The following HMG20A variants were observed in gnomAD, a reference collection of about 807,000 sequenced individuals.
HMG20A encodes high mobility group 20A.
In HMG20A, 17 loss-of-function variants were observed where a neutral mutation model predicts 43.9. The observed-to-expected ratio is 0.39, with a 90% CI of 0.27 to 0.58. The LOEUF is 0.58. HMG20A is among the 20% of genes least tolerant of loss of function. HMG20A has a pLI of 0.59. For synonymous variants in HMG20A, 132 were observed against 147.5 expected, an observed-to-expected ratio of 0.89 and a Z score of 0.76; for missense variants, 341 against 438.2, an observed-to-expected ratio of 0.78 and a Z score of 1.98.
At chr15:77,503,190 A>G in the HMG20A span, among the ~76,000 whole-genome samples, 1 of 152,180 alleles carries the variant, frequency 6.6e-6, no homozygotes. Flanking sequence ...TTGCAAGAAC[A>G]ACTTTACACA....
chr15:77,503,200 A>T, the HMG20A span, among the ~76,000 whole-genome samples: 1 of 152,262 alleles, frequency 6.6e-6, no homozygotes, highest in South Asian at 2.1e-4. Flanking sequence ...AACTTTACAC[A>T]ACTGCTAGAG....
At chr15:77,475,726 G>A (rs1045392632) in intron 6 of HMG20A, among the ~76,000 whole-genome samples, 2 of 152,144 alleles carry the variant, frequency 1.3e-5, no homozygotes, top group African/African-American at 4.8e-5. Flanking sequence ...TTGTTTTCCT[G>A]CAGCAGCCCA....
chr15:77,461,339 A>G (rs994838384), intron 2 of HMG20A, among the ~76,000 whole-genome samples: 8 of 152,176 alleles, frequency 5.3e-5, no homozygotes, highest in Non-Finnish European at 1.0e-4. Flanking sequence ...AAAAATTGGG[A>G]CCTTAACTGG....
At chr15:77,478,202 G>C (rs531400366) in intron 7 of HMG20A, 93 bp from the exon 8 acceptor site, 1 of 1,236,268 alleles carries the variant, frequency 8.1e-7, no homozygotes, top group Non-Finnish European at 1.2e-6. Context: ...CTAAATTAGA[G>C]GCAGCTAAGC....
At chr15:77,436,007 C>G (rs1207956915) in intron 1 of HMG20A, among the ~76,000 whole-genome samples, 1 of 152,166 alleles carries the variant, frequency 6.6e-6, no homozygotes, top group Non-Finnish European at 1.5e-5. Flanking sequence ...CTTTAAAATA[C>G]TATCTACTAT....
intron 1 of HMG20A, among the ~76,000 whole-genome samples, chr15:77,433,631 T>C (rs1047841389): frequency 2.0e-5 from 3 of 152,154 alleles, no homozygotes; most frequent in Non-Finnish European, 2.9e-5. Context: ...ATAAGCAAAC[T>C]TACACGAGCA....
At chr15:77,437,110 C>T (rs1028633726) in intron 1 of HMG20A, among the ~76,000 whole-genome samples, 5 of 152,140 alleles carry the variant, frequency 3.3e-5, no homozygotes, top group African/African-American at 9.7e-5. Flanking sequence ...TTATGTGTTC[C>T]TTCTTCAAAG....
chr15:77,445,651 C>G (rs1040561518), intron 1 of HMG20A, among the ~76,000 whole-genome samples: 2 of 152,086 alleles, frequency 1.3e-5, no homozygotes, highest in African/African-American at 4.8e-5. Flanking sequence ...TTGGCATATC[C>G]ATACTGGCAG....
At chr15:77,492,267 A>C in the HMG20A span, among the ~76,000 whole-genome samples, 1 of 152,258 alleles carries the variant, frequency 6.6e-6, no homozygotes, top group African/African-American at 2.4e-5. Flanking sequence ...TAATATTTCA[A>C]CATCTGCAAT....
intron 1 of HMG20A, among the ~76,000 whole-genome samples, chr15:77,429,676 A>C (rs796621897): frequency 2.5e-4 from 38 of 152,354 alleles, no homozygotes; most frequent in African/African-American, 8.7e-4. Context: ...ACTGATATCT[A>C]TACTGTCTAA....
the HMG20A span, among the ~76,000 whole-genome samples, chr15:77,492,735 C>T: frequency 2.6e-5 from 4 of 151,868 alleles, no homozygotes; most frequent in Non-Finnish European, 5.9e-5. Flanking sequence ...TGCTGGAGCC[C>T]GGGAAGTCGT....
In HMG20A at chr15:77,484,738, AT is replaced by A. The variant is rs1379233119; in HGVS notation, c.*1779del. 1.1e-4 allele frequency: 16 copies of A among 152,180 alleles called. No individual in the cohort carries two copies. Among genetic ancestry groups the A allele is most frequent in the African/African-American group, 3.6e-4 (15 of 41,482 alleles). The allele number at this position is 152,180 out of a possible 1,614,324, so 9.4% of individuals were successfully genotyped here. A position where few individuals can be genotyped will look rare whatever the true frequency, so the allele number is the denominator to read the frequency against. On this transcript the variant is annotated 3_prime_UTR_variant, in exon 10 of 10. Transcript: ENST00000336216. ...CTAGCCAGTTCTCTTGCTCTTCTGTATTTTCCTATTTCCCTGCCATCATCTG... is the reference window on the plus strand; with the variant it reads ...CTAGCCAGTTCTCTTGCTCTTCTGTATTTCCTATTTCCCTGCCATCATCTG...
chr15:77,471,151 C>T (rs1167506770), intron 5 of HMG20A, 109 bp downstream of exon 5: 1 of 1,109,218 alleles, frequency 9.0e-7, no homozygotes, highest in East Asian at 2.7e-5. Flanking sequence ...TGTTTTTTCT[C>T]CACTATCCAG....
chr15:77,432,138 A>G (rs868615694), intron 1 of HMG20A, among the ~76,000 whole-genome samples: 39 of 152,218 alleles, frequency 2.6e-4, no homozygotes, highest in African/African-American at 8.7e-4. Context: ...TCCCTTGGAT[A>G]TATTCTCAGA....
intron 1 of HMG20A, among the ~76,000 whole-genome samples, chr15:77,454,965 C>T (rs972382618): frequency 6.6e-6 from 1 of 151,870 alleles, no homozygotes; most frequent in Admixed American, 6.6e-5. Context: ...TGGGCAGAAT[C>T]CCACCTCTCA....
chr15:77,476,475 A>C, intron 6 of HMG20A, among the ~76,000 whole-genome samples: 1 of 120,028 alleles, frequency 8.3e-6, no homozygotes, highest in Non-Finnish European at 1.7e-5. Flanking sequence ...ACAGAGAGGG[A>C]CTCCCTCTCA....
chr15:77,469,295 T>G (rs141073604), intron 4 of HMG20A, among the ~76,000 whole-genome samples: 4 of 124,110 alleles, frequency 3.2e-5, no homozygotes, highest in African/African-American at 5.3e-5. Context: ...TAGCATCCAT[T>G]GATTATTTTT....
downstream of HMG20A, among the ~76,000 whole-genome samples, chr15:77,488,729 C>G (rs2072957931): frequency 6.6e-6 from 1 of 151,802 alleles, no homozygotes; most frequent in African/African-American, 2.4e-5. Flanking sequence ...ACTTTTGATT[C>G]ATTCATAGAT....
intron 2 of HMG20A, 188 bp downstream of exon 2, chr15:77,458,684 C>T: frequency 2.3e-6 from 1 of 433,388 alleles, no homozygotes; most frequent in Non-Finnish European, 4.1e-6. Flanking sequence ...TTTTGCAGTG[C>T]TCTGGTTTTT....
Sources: gnomAD v4.1 joint callset for allele counts (sites outside exome capture counted in the v4.1 genomes callset) on GRCh38, gnomAD v4.1.1 for gene constraint, MANE v1.5 for transcripts, NCBI Gene and HGNC (gene_info 2026-07-23, HGNC 2026-07-21) for gene names.